Variants in WDR72 observed in about 807,000 individuals in gnomAD.
The protein encoded by WDR72 is WD repeat-containing protein 72.
In WDR72, 120 loss-of-function variants were observed where a neutral mutation model predicts 124.2. That is an observed-to-expected ratio of 0.97 (90% confidence interval 0.83 to 1.12). WDR72 has a LOEUF of 1.12. Among genes scored for constraint, WDR72 ranks in the 50% most tolerant of loss-of-function variants. The probability of loss-of-function intolerance (pLI) is 0.00; values close to 1 mark genes in which losing one functional copy is unlikely to be tolerated. For missense variants in WDR72, 1,387 were observed against 1,278.8 expected (o/e 1.08, Z -1.29); for synonymous variants, 452 against 441.7 (o/e 1.02, Z -0.29).
chr15:53,581,400 T>C (rs1256716228), intron 18 of WDR72, among the ~76,000 whole-genome samples: 1 of 152,084 alleles, frequency 6.6e-6, no homozygotes, highest in East Asian at 1.9e-4. Context: ...TATTGGAAAA[T>C]TAAACAATTA....
intron 18 of WDR72, among the ~76,000 whole-genome samples, chr15:53,594,169 A>G (rs1378959523): frequency 1.3e-5 from 2 of 152,074 alleles, no homozygotes; most frequent in African/African-American, 4.8e-5. Context: ...TTGTTGCCAT[A>G]TTGCTATAAT....
At chr15:53,552,124 T>C (rs1893753629) in intron 18 of WDR72, among the ~76,000 whole-genome samples, 1 of 113,058 alleles carries the variant, frequency 8.8e-6, no homozygotes, top group South Asian at 3.5e-4. Flanking sequence ...ATTCTATACC[T>C]ATCATGTGTG....
At chr15:53,670,271 A>C (rs193235201) in intron 13 of WDR72, among the ~76,000 whole-genome samples, 2 of 152,344 alleles carry the variant, frequency 1.3e-5, no homozygotes, top group East Asian at 3.9e-4. Flanking sequence ...AAAGCAATTA[A>C]CATCTTGATA....
intron 18 of WDR72, among the ~76,000 whole-genome samples, chr15:53,539,206 T>C (rs1160229900): frequency 1.3e-5 from 2 of 152,104 alleles, no homozygotes; most frequent in African/African-American, 4.8e-5. Context: ...TTAAGAAATA[T>C]TGTTTAAATA....
intron 3 of WDR72, among the ~76,000 whole-genome samples, chr15:53,718,789 A>G (rs982845232): frequency 2.8e-4 from 21 of 74,194 alleles, no homozygotes; most frequent in African/African-American, 6.7e-4. Flanking sequence ...AAATCTTAAG[A>G]TTTTTAAAAA....
chr15:53,730,676 C>T (rs1179366100), intron 2 of WDR72, among the ~76,000 whole-genome samples: 1 of 152,138 alleles, frequency 6.6e-6, no homozygotes, highest in Non-Finnish European at 1.5e-5. Context: ...TGAGATGCTG[C>T]CCTACGGTGA....
chr15:53,675,469 A>G (rs944863100), intron 13 of WDR72, among the ~76,000 whole-genome samples: 1 of 152,346 alleles, frequency 6.6e-6, no homozygotes, highest in East Asian at 1.9e-4. Flanking sequence ...TATAACGTAA[A>G]GAATACATTT....
intron 18 of WDR72, among the ~76,000 whole-genome samples, chr15:53,580,607 A>G (rs1285343362): frequency 6.6e-6 from 1 of 152,068 alleles, no homozygotes; most frequent in African/African-American, 2.4e-5. Flanking sequence ...AGCATCTTAC[A>G]GAGCATGGGG....
chr15:53,676,967 C>A (rs1010109670), intron 13 of WDR72, among the ~76,000 whole-genome samples: 7 of 148,208 alleles, frequency 4.7e-5, no homozygotes, highest in Admixed American at 1.4e-4. Context: ...GTCGCCCAGG[C>A]TGGAGTGCAG....
chr15:53,706,348 G>GTATATATATA (rs1450540976), intron 9 of WDR72, among the ~76,000 whole-genome samples: 8 of 57,366 alleles, frequency 1.4e-4, no homozygotes, highest in African/African-American at 2.0e-4. Context: ...GTGTGTGTGT[G>GTATATATATA]TGTATATATA....
chr15:53,717,886 T>C (rs1191434110), intron 3 of WDR72, among the ~76,000 whole-genome samples: 2 of 152,048 alleles, frequency 1.3e-5, no homozygotes, highest in Admixed American at 1.3e-4. Context: ...TATAATTCTA[T>C]AAAATAGGAG....
chr15:53,514,463 G>C lies in WDR72; in HGVS notation c.*3236C>G, dbSNP rs988770683. 1.3e-5 allele frequency: 2 copies of C among 151,940 alleles called. No individual in the cohort carries two copies. Among genetic ancestry groups the C allele is most frequent in the African/African-American group, 4.8e-5 (2 of 41,366 alleles). The allele number at this position is 151,940 out of a possible 1,614,324, so 9.4% of individuals were successfully genotyped here. On this transcript the variant is annotated 3_prime_UTR_variant, in exon 20 of 20. Transcript: ENST00000360509. ...GCCCTCTAAGGATGGAAGAGAAATA[G>C]TATCTTTTCTAAAGTGTTCATTATA...
chr15:53,638,916 T>G (rs1029144089), intron 14 of WDR72, among the ~76,000 whole-genome samples: 2 of 151,934 alleles, frequency 1.3e-5, no homozygotes, highest in Non-Finnish European at 2.9e-5. Context: ...GGCAGGAGAA[T>G]TGCTTGAACC....
chr15:53,727,174 T>C (rs1004467983), intron 2 of WDR72, among the ~76,000 whole-genome samples: 2 of 142,956 alleles, frequency 1.4e-5, no homozygotes. Context: ...TAGCTGGGTG[T>C]AGTGGATCTC....
chr15:53,599,258 T>A (rs1261539414), intron 17 of WDR72, among the ~76,000 whole-genome samples: 3 of 152,178 alleles, frequency 2.0e-5, no homozygotes, highest in Non-Finnish European at 4.4e-5. Context: ...ATTTTATTAC[T>A]TATTCATGAT....
chr15:53,569,271 C>T (rs1894416778), intron 18 of WDR72, among the ~76,000 whole-genome samples: 1 of 151,936 alleles, frequency 6.6e-6, no homozygotes, highest in African/African-American at 2.4e-5. Flanking sequence ...ACCTGGGACA[C>T]ACTATTTCAT....
At chr15:53,730,894 T>C (rs75579033) in intron 2 of WDR72, among the ~76,000 whole-genome samples, 1 of 152,138 alleles carries the variant, frequency 6.6e-6, no homozygotes, top group African/African-American at 2.4e-5. Context: ...AAAGTGCCCT[T>C]GATTTTTTTC....
intron 11 of WDR72, among the ~76,000 whole-genome samples, chr15:53,703,806 T>C (rs1052635836): frequency 3.3e-5 from 5 of 152,134 alleles, no homozygotes; most frequent in Admixed American, 2.6e-4. Flanking sequence ...ATCAAATTAT[T>C]ATTATACTTC....
At position 53,733,116 on chromosome 15, in the gene WDR72, C is replaced by G. The variant is rs1445790297; in HGVS notation, c.34G>C (p.Gly12Arg). 6.2e-7 allele frequency: 1 copy of G among 1,613,936 alleles called. No homozygotes were observed. Among genetic ancestry groups the G allele is most frequent in the East Asian group, 2.2e-5 (1 of 44,874 alleles). Residue 12 changes from glycine to arginine, a missense_variant, in exon 2 of 20, where the codon GGA becomes CGA. Coordinates refer to ENST00000360509, the MANE Select transcript of WDR72 (RefSeq NM_182758.4). The stretch of plus-strand genomic sequence containing the variant: ...ATGCTGTGGGGAGGGGCCTTCTGTC[C>G]CCAGAGTGCCACTGCCTGCAGGGAA... ...RTSLQAVALW[G>R]QKAPPHSITA... is the part of the protein sequence containing the mutation.
Sources: gnomAD v4.1 joint callset for allele counts (sites outside exome capture counted in the v4.1 genomes callset) on GRCh38, gnomAD v4.1.1 for gene constraint, MANE v1.5 for transcripts, NCBI Gene and HGNC (gene_info 2026-07-23, HGNC 2026-07-21) for gene names.